TANGO6: variants seen among roughly 807,000 people sequenced by gnomAD.
TANGO6 encodes the protein transport and Golgi organization protein 6 homolog.
TANGO6 carries 90 observed loss-of-function variants against 114.2 expected under a neutral mutation model. The ratio of observed to expected loss-of-function variants is 0.79; its 90% confidence interval spans 0.66 to 0.94. The LOEUF (loss-of-function observed/expected upper bound fraction) is 0.94. Ranked by LOEUF, TANGO6 falls within the 40% of genes least tolerant of loss-of-function variation. The pLI is 0.00. For synonymous variants in TANGO6, 477 were observed against 509.8 expected (o/e 0.94, Z 0.87); for missense variants, 1,274 against 1,315.3 (o/e 0.97, Z 0.49).
chr16:68,964,308 A>C (rs1358074725), intron 14 of TANGO6, among the ~76,000 whole-genome samples: 1 of 151,876 alleles, frequency 6.6e-6, no homozygotes, highest in African/African-American at 2.4e-5. Flanking sequence ...AGTAAAAAAA[A>C]TTTTTAACTT....
At chr16:68,956,076 A>G (rs751708960) in intron 14 of TANGO6, among the ~76,000 whole-genome samples, 1 of 152,096 alleles carries the variant, frequency 6.6e-6, no homozygotes, top group Admixed American at 6.6e-5. Context: ...GCTTGAACTC[A>G]GGAGGTGGAG....
intron 12 of TANGO6, among the ~76,000 whole-genome samples, chr16:68,920,803 TA>T (rs898308483): frequency 2.7e-5 from 4 of 150,874 alleles, no homozygotes; most frequent in Non-Finnish European, 5.9e-5. Context: ...CATATTGTTT[TA>T]AAAAAAAAGC....
intron 14 of TANGO6, among the ~76,000 whole-genome samples, chr16:68,969,140 G>C (rs1355710077): frequency 6.6e-6 from 1 of 152,120 alleles, no homozygotes; most frequent in African/African-American, 2.4e-5. Context: ...TACGGTCAGA[G>C]CAGAAAGAGG....
At chr16:68,856,945 T>C (rs1264564433) in intron 1 of TANGO6, among the ~76,000 whole-genome samples, 1 of 151,922 alleles carries the variant, frequency 6.6e-6, no homozygotes, top group Non-Finnish European at 1.5e-5. Context: ...CCATCTCTAC[T>C]AAAAATACAA....
At chr16:68,886,739 G>A (rs781651460) in intron 7 of TANGO6, among the ~76,000 whole-genome samples, 1 of 151,976 alleles carries the variant, frequency 6.6e-6, no homozygotes, top group Non-Finnish European at 1.5e-5. Flanking sequence ...TTGAACTCCT[G>A]ACCTCAGGTG....
rs190593427 is a variant in TANGO6, at chr16:68,856,912, G to A, written c.95-2972G>A. ...ATCACGAGGTCAGGAGATCGAGACC[G>A]TCCTGGCTAACACGGTGAAACCCCA... On this transcript the variant is annotated intron_variant, in intron 1 of 17. Coordinates refer to ENST00000261778, the MANE Select transcript of TANGO6 (RefSeq NM_024562.2). 7.5e-3 allele frequency among the ~76,000 whole-genome samples: 1,142 copies of A among 152,094 alleles called. 10 individuals carry two copies. In the Middle Eastern group the frequency reaches 0.11, roughly 15 times the overall value.
intron 1 of TANGO6, 83 bp downstream of exon 1, chr16:68,843,794 C>G: frequency 7.1e-7 from 1 of 1,411,068 alleles, no homozygotes; most frequent in East Asian, 2.3e-5. Flanking sequence ...CCTTCCGCAG[C>G]GTGCGCCCCT....
At chr16:68,999,041 C>T (rs1964017597) in intron 15 of TANGO6, among the ~76,000 whole-genome samples, 1 of 151,906 alleles carries the variant, frequency 6.6e-6, no homozygotes, top group South Asian at 2.1e-4. Context: ...CACCACCACA[C>T]CTGGCTAATT....
At position 68,843,539 on chromosome 16, in the gene TANGO6, CT is replaced by C; in HGVS notation, c.-78del. ...CGCCCCATAGTGTGCCCAGAGCCTT[CT>C]GCCACACTTAACATGGCGGCGGCGG... On this transcript the variant is annotated 5_prime_UTR_variant, in exon 1 of 18. Transcript: ENST00000261778. The C allele has an allele frequency of 7.1e-7, 1 of 1,408,542 alleles. No homozygotes were observed. The allele number at this position is 1,408,542 out of a possible 1,614,324, so 87.3% of individuals were successfully genotyped here. A position where few individuals can be genotyped will look rare whatever the true frequency, so the allele number is the denominator to read the frequency against.
intron 17 of TANGO6, among the ~76,000 whole-genome samples, chr16:69,080,291 G>C (rs1960445651): frequency 6.6e-6 from 1 of 152,106 alleles, no homozygotes. Flanking sequence ...AAAAAGGTAA[G>C]GGAAGGCTGG....
At chr16:68,924,189 A>G (rs1194152561) in intron 12 of TANGO6, among the ~76,000 whole-genome samples, 6 of 142,014 alleles carry the variant, frequency 4.2e-5, no homozygotes, top group Non-Finnish European at 7.6e-5. Flanking sequence ...AGTTCTCTCT[A>G]ATTCTTTTGC....
chr16:68,982,291 T>C (rs1219955770), intron 15 of TANGO6, among the ~76,000 whole-genome samples: 1 of 152,174 alleles, frequency 6.6e-6, no homozygotes, highest in African/African-American at 2.4e-5. Flanking sequence ...TTGTATAATA[T>C]ACAACCTATG....
intron 15 of TANGO6, among the ~76,000 whole-genome samples, chr16:69,003,054 A>G (rs1964058172): frequency 6.6e-6 from 1 of 151,336 alleles, no homozygotes; most frequent in Non-Finnish European, 1.5e-5. Context: ...AAAAAAAAAG[A>G]AAGTTTTTAA....
At chr16:68,973,817 C>A in intron 14 of TANGO6, 1 of 582,962 alleles carries the variant, frequency 1.7e-6, no homozygotes, top group Non-Finnish European at 3.1e-6. Context: ...TCGTATCAGG[C>A]TGGGACTAGA....
intron 14 of TANGO6, among the ~76,000 whole-genome samples, chr16:68,953,050 T>TTTTTTATTATTATTATTATTATTA (rs1555525236): frequency 2.9e-5 from 4 of 139,214 alleles, no homozygotes; most frequent in Non-Finnish European, 4.6e-5. Flanking sequence ...ACAGGTATTT[T>TTTTTTATTATTATTATTATTATTA]TTATTATTAT....
chr16:68,860,438 T>C lies in TANGO6; in HGVS notation c.649T>C (p.Cys217Arg), dbSNP rs1962076123. 4 of 1,614,032 alleles carry C rather than the reference T, an allele frequency of 2.5e-6. No individual in the cohort carries two copies. The East Asian group carries it at 8.9e-5, about 36-fold the overall frequency. Residue 217 changes from cysteine (C) to arginine (R), a missense_variant, in exon 2 of 18, where the codon TGC (cysteine) becomes CGC (arginine). Transcript: ENST00000261778. ...CACATCTCTGGGGAGCTTGATCTTC[T>C]GCCACCACTTTGGGGATATCGCAGC... ...QHTSLGSLIF[C>R]HHFGDIAAGL...
intron 11 of TANGO6, among the ~76,000 whole-genome samples, chr16:68,915,416 G>C (rs571870029): frequency 9.9e-5 from 15 of 152,126 alleles, no homozygotes; most frequent in African/African-American, 3.6e-4. Context: ...ACAGATGTGT[G>C]CCACTGTGCC....
At chr16:68,955,705 T>C (rs899137985) in intron 14 of TANGO6, among the ~76,000 whole-genome samples, 1 of 152,228 alleles carries the variant, frequency 6.6e-6, no homozygotes, top group Non-Finnish European at 1.5e-5. Flanking sequence ...AAGTCTGATA[T>C]ACTATTAGTA....
chr16:68,954,889 A>T (rs975621654), intron 14 of TANGO6, among the ~76,000 whole-genome samples: 8 of 152,110 alleles, frequency 5.3e-5, no homozygotes, highest in Non-Finnish European at 1.2e-4. Context: ...GGTGATTTTT[A>T]TTTTCTTCTT....
Sources: gnomAD v4.1 joint callset for allele counts (sites outside exome capture counted in the v4.1 genomes callset) on GRCh38, gnomAD v4.1.1 for gene constraint, MANE v1.5 for transcripts, NCBI Gene and HGNC (gene_info 2026-07-23, HGNC 2026-07-21) for gene names.